TTC29: variants seen among roughly 807,000 people sequenced by gnomAD.
The protein encoded by TTC29 is tetratricopeptide repeat protein 29.
Under a neutral mutation model 58.1 loss-of-function variants are expected in TTC29, and 49 were observed. The ratio of observed to expected loss-of-function variants is 0.84; its 90% CI spans 0.67 to 1.07. The LOEUF is 1.07. TTC29 is among the 50% of genes least tolerant of loss of function. TTC29 has a pLI of 0.00. For synonymous variants in TTC29, 209 were observed against 196.8 expected, an observed-to-expected ratio of 1.06 and a Z score of -0.52; for missense variants, 582 against 555.6, an observed-to-expected ratio of 1.05 and a Z score of -0.48.
intron 4 of TTC29, among the ~76,000 whole-genome samples, chr4:146,922,754 A>T (rs1734679364): frequency 1.3e-5 from 2 of 151,854 alleles, no homozygotes; most frequent in South Asian, 4.1e-4. Context: ...ATTAGCCATC[A>T]TTATCTTTAC....
At position 146,809,817 on chromosome 4, in the gene TTC29, C is replaced by T. The variant is rs1750889788; in HGVS notation, c.1102-6132G>A. 4.7e-5 allele frequency among the ~76,000 whole-genome samples: 7 copies of T among 149,590 alleles called. No homozygotes were observed. The South Asian group carries it at 8.5e-4, about 18-fold the overall frequency. ...AGAAACGTTTTTATCCGTTGGTGGG[C>T]GTGTAAATTAGTCCAACCATTGCAG... On this transcript the variant is annotated intron_variant, in intron 10 of 12. Coordinates refer to ENST00000325106, the MANE Select transcript of TTC29 (RefSeq NM_031956.4).
intron 8 of TTC29, among the ~76,000 whole-genome samples, chr4:146,838,391 T>C (rs1329272901): frequency 2.6e-5 from 2 of 75,882 alleles, no homozygotes; most frequent in Non-Finnish European, 4.8e-5. Context: ...TCAAAGATTG[T>C]CAACTGTCAA....
chr4:146,922,597 G>A (rs1436801385), intron 4 of TTC29, among the ~76,000 whole-genome samples: 1 of 151,704 alleles, frequency 6.6e-6, no homozygotes. Context: ...CATTTTTAAT[G>A]AGATAGGTGC....
chr4:146,721,022 A>C (rs1333995514), intron 11 of TTC29, among the ~76,000 whole-genome samples: 12 of 152,234 alleles, frequency 7.9e-5, no homozygotes, highest in African/African-American at 2.9e-4. Context: ...GGGCATGGGA[A>C]GTTTAATCTG....
At chr4:146,909,398 A>G (rs1733750466) in intron 4 of TTC29, 149 bp from the exon 5 acceptor site, 1 of 652,244 alleles carries the variant, frequency 1.5e-6, no homozygotes, top group African/African-American at 1.8e-5. Context: ...CTTTGCCTCA[A>G]ACACTTATAA....
At position 146,719,568 on chromosome 4, in the gene TTC29, T is replaced by C. The variant is rs957094398; in HGVS notation, c.1331-12017A>G. 7.9e-5 allele frequency among the ~76,000 whole-genome samples: 12 copies of C among 152,330 alleles called. No individual in the cohort carries two copies. In the South Asian group the frequency reaches 1.9e-3, roughly 24 times the overall value. On this transcript the variant is annotated intron_variant, in intron 11 of 12. Transcript: ENST00000325106. The stretch of plus-strand genomic sequence containing the variant: ...ATTTATTTGACTTTGTGGCAAGAAT[T>C]ACTGCAGCAAACCTATTTAGTTCTT...
At chr4:146,821,948 A>T (rs181177035) in intron 9 of TTC29, among the ~76,000 whole-genome samples, 131 of 149,722 alleles carry the variant, frequency 8.7e-4, no homozygotes, top group African/African-American at 3.1e-3. Flanking sequence ...AACCTGGAGT[A>T]CATTCACTCA....
At chr4:146,750,200 G>T (rs1745877013) in intron 11 of TTC29, among the ~76,000 whole-genome samples, 1 of 152,044 alleles carries the variant, frequency 6.6e-6, no homozygotes, top group African/African-American at 2.4e-5. Flanking sequence ...GCAGAGACGG[G>T]GTTTCGCGGT....
chr4:146,929,343 G>A (rs1048888448), intron 4 of TTC29, among the ~76,000 whole-genome samples: 5 of 151,848 alleles, frequency 3.3e-5, no homozygotes, highest in Admixed American at 1.3e-4. Context: ...GCAGGGCCCA[G>A]TCATGCCTTG....
At chr4:146,711,730 A>G (rs1014876878) in intron 11 of TTC29, among the ~76,000 whole-genome samples, 5 of 152,118 alleles carry the variant, frequency 3.3e-5, no homozygotes, top group African/African-American at 1.2e-4. Context: ...ATTTTAGTAG[A>G]AACAGTACTT....
chr4:146,833,059 TA>T (rs1728272139), intron 9 of TTC29, among the ~76,000 whole-genome samples: 1 of 152,216 alleles, frequency 6.6e-6, no homozygotes, highest in Non-Finnish European at 1.5e-5. Context: ...AATTAGAACT[TA>T]ATACAATCTA....
intron 11 of TTC29, among the ~76,000 whole-genome samples, chr4:146,784,966 T>C (rs1183179119): frequency 1.3e-5 from 2 of 152,122 alleles, no homozygotes; most frequent in Admixed American, 1.3e-4. Context: ...AGATCATCAA[T>C]AGAAAAATTA....
intron 4 of TTC29, among the ~76,000 whole-genome samples, chr4:146,911,217 G>C (rs1733875152): frequency 6.6e-6 from 1 of 152,192 alleles, no homozygotes; most frequent in Non-Finnish European, 1.5e-5. Context: ...GAATGGTATA[G>C]GAGAAGGGAC....
At chr4:146,894,445 C>T in intron 6 of TTC29, among the ~76,000 whole-genome samples, 1 of 150,992 alleles carries the variant, frequency 6.6e-6, no homozygotes, top group Admixed American at 6.6e-5. Flanking sequence ...AAACCAAACA[C>T]CACATGTTCT....
At chr4:146,904,266 G>T (rs1374610618) in intron 5 of TTC29, among the ~76,000 whole-genome samples, 1 of 152,096 alleles carries the variant, frequency 6.6e-6, no homozygotes, top group Non-Finnish European at 1.5e-5. Context: ...GACCCTATAA[G>T]CTCCATATGC....
chr4:146,859,964 G>GGA (rs759740120), intron 8 of TTC29, among the ~76,000 whole-genome samples: 18 of 152,072 alleles, frequency 1.2e-4, no homozygotes, highest in Non-Finnish European at 2.4e-4. Context: ...ACTGAGCCAT[G>GGA]GAGAACTCTG....
intron 11 of TTC29, among the ~76,000 whole-genome samples, chr4:146,722,053 C>T (rs1013353327): frequency 6.4e-5 from 3 of 46,778 alleles, no homozygotes; most frequent in Admixed American, 3.2e-4. Context: ...AACAGAGTCC[C>T]ATTCACAATA....
chr4:146,893,128 G>A (rs1716915236), intron 6 of TTC29, among the ~76,000 whole-genome samples: 1 of 152,146 alleles, frequency 6.6e-6, no homozygotes, highest in African/African-American at 2.4e-5. Flanking sequence ...TAGATTCAGT[G>A]CCATCCCCAT....
intron 8 of TTC29, among the ~76,000 whole-genome samples, chr4:146,854,285 C>CT: frequency 6.6e-6 from 1 of 152,164 alleles, no homozygotes; most frequent in East Asian, 1.9e-4. Context: ...GGTGCAAAAG[C>CT]ATTCACCTAT....
Sources: gnomAD v4.1 joint callset for allele counts (sites outside exome capture counted in the v4.1 genomes callset) on GRCh38, gnomAD v4.1.1 for gene constraint, MANE v1.5 for transcripts, NCBI Gene and HGNC (gene_info 2026-07-23, HGNC 2026-07-21) for gene names.